The following ZMYM6 variants were observed in gnomAD, a reference collection of about 807,000 sequenced individuals.
ZMYM6 encodes the protein zinc finger MYM-type protein 6.
ZMYM6 carries 90 observed loss-of-function variants against 134.0 expected under a neutral mutation model. The observed-to-expected ratio is 0.67, with a 90% CI of 0.57 to 0.80. ZMYM6 has a LOEUF of 0.80. Ranked by LOEUF, ZMYM6 falls within the 30% of genes least tolerant of loss-of-function variation. The pLI, the probability that ZMYM6 is intolerant of heterozygous loss-of-function variation, is 0.00. For missense variants in ZMYM6, 1,362 were observed against 1,533.9 expected (o/e 0.89, Z 1.87); for synonymous variants, 481 against 524.1 (o/e 0.92, Z 1.12).
chr1:35,025,499 A>G (rs1295068605), intron 2 of ZMYM6, among the ~76,000 whole-genome samples: 2 of 151,680 alleles, frequency 1.3e-5, no homozygotes, highest in Admixed American at 1.3e-4. Context: ...GAAAGAAAAA[A>G]AAAAGGTGGC....
Position 34,988,608 on chromosome 1 carries a change from T to C in ZMYM6, c.2474A>G (p.Glu825Gly). Residue 825 changes from glutamate (E) to glycine (G), a missense_variant, in exon 16 of 16, where the codon GAA (glutamate) becomes GGA (glycine). Transcript: ENST00000357182. The stretch of plus-strand genomic sequence containing the variant: ...ATAAGAAGCTTTCACAAGTGACTTT[T>C]CAACTAGTAAACACTTTTTTAAAGA... ...NSSLKKCLLV[E>G]KSLVKASYLI... The C allele has an allele frequency of 6.5e-7, 1 of 1,550,280 alleles. No homozygotes were observed. Among genetic ancestry groups the C allele is most frequent in the Non-Finnish European group, 8.7e-7 (1 of 1,146,714 alleles).
At chr1:35,004,169 T>C (rs1166929017) in intron 13 of ZMYM6, among the ~76,000 whole-genome samples, 164 bp from the exon 14 acceptor site, 3 of 152,182 alleles carry the variant, frequency 2.0e-5, no homozygotes, top group Non-Finnish European at 4.4e-5. Flanking sequence ...GGGTGCTTAA[T>C]AACGGTAAGG....
intron 4 of ZMYM6, among the ~76,000 whole-genome samples, chr1:35,015,522 G>A (rs538113074): frequency 2.0e-4 from 31 of 151,570 alleles, no homozygotes; most frequent in South Asian, 1.7e-3. Context: ...TCAGGAGTTC[G>A]AGACCAGCCT....
intron 2 of ZMYM6, among the ~76,000 whole-genome samples, chr1:35,021,492 C>T (rs1641308657): frequency 2.0e-5 from 3 of 151,836 alleles, no homozygotes; most frequent in Admixed American, 1.3e-4. Flanking sequence ...TGGTGGCTCA[C>T]ACCTATAGTC....
At chr1:34,991,116 G>A (rs1640665544) in intron 15 of ZMYM6, among the ~76,000 whole-genome samples, 1 of 152,108 alleles carries the variant, frequency 6.6e-6, no homozygotes, top group Non-Finnish European at 1.5e-5. Context: ...CGCCCATGTT[G>A]GCTTGCCAAA....
chr1:35,026,756 T>C (rs1389470837), intron 2 of ZMYM6, among the ~76,000 whole-genome samples: 1 of 152,228 alleles, frequency 6.6e-6, no homozygotes, highest in Non-Finnish European at 1.5e-5. Flanking sequence ...AAGTCACTTA[T>C]TCCTTCAGGT....
chr1:35,015,170 T>C lies in ZMYM6; in HGVS notation c.429-8A>G, dbSNP rs751256289. On this transcript the variant is annotated splice_region_variant and splice_polypyrimidine_tract_variant and intron_variant, in intron 4 of 15. Transcript: ENST00000357182. ...TTAGGATTTAAAATGTCTCTAAAAA[T>C]AAATAACAAAGGTAAAAATGAAATG... 8 of 1,579,094 alleles carry C rather than the reference T, an allele frequency of 5.1e-6. No individual in the cohort carries two copies. Among genetic ancestry groups the C allele is most frequent in the South Asian group, 4.6e-5 (4 of 86,310 alleles).
chr1:35,030,493 C>T, intron 2 of ZMYM6, 54 bp downstream of exon 2: 1 of 1,543,578 alleles, frequency 6.5e-7, no homozygotes, highest in Non-Finnish European at 8.7e-7. Flanking sequence ...TTCAGTTGAC[C>T]AGATGGAAAA....
chr1:34,987,057 A>T lies in ZMYM6; in HGVS notation c.*47T>A. On this transcript the variant is annotated 3_prime_UTR_variant, in exon 16 of 16. Transcript: ENST00000357182. ...TTATCTTTTAGGATACTTATACAAAACTTAACACAGGATTATTGACTTCAC... is the reference window on the plus strand; with the variant it reads ...TTATCTTTTAGGATACTTATACAAATCTTAACACAGGATTATTGACTTCAC... 1 of 1,314,286 alleles carries T rather than the reference A, an allele frequency of 7.6e-7. No homozygotes were observed. Among genetic ancestry groups the T allele is most frequent in the Non-Finnish European group, 1.0e-6 (1 of 991,334 alleles). The allele number at this position is 1,314,286 out of a possible 1,614,324, so 81.4% of individuals were successfully genotyped here.
rs772893416 is a variant in ZMYM6 at position 34,987,456 on chromosome 1, C to A, written c.3626G>T (p.Arg1209Leu). 3 of 1,613,854 alleles carry A rather than the reference C, an allele frequency of 1.9e-6. No homozygotes were observed. In the South Asian group the frequency reaches 3.3e-5, roughly 18 times the overall value. Residue 1209 changes from arginine to leucine, a missense_variant, in exon 16 of 16, where the codon CGT becomes CTT. Around this residue, in one of 3 missense-constraint regions of ZMYM6, gnomAD observed 824 missense variants for 940.9 expected, o/e 0.88. Coordinates refer to ENST00000357182, the MANE Select transcript of ZMYM6 (RefSeq NM_007167.4). ...SDCFPPEQDL[R>L]SGNLWIIHPF... ...GTGAATTATCCACAAATTTCCTGAA[C>A]GCAAGTCTTGTTCTGGTGGAAAACA...
chr1:35,019,645 G>A, intron 3 of ZMYM6, 43 bp from the exon 4 acceptor site: 20 of 1,521,846 alleles, frequency 1.3e-5, no homozygotes, highest in Non-Finnish European at 1.8e-5. Context: ...CAATACTAAT[G>A]CATATACAGT....
chr1:35,012,688 A>G, intron 6 of ZMYM6, 107 bp from the exon 7 acceptor site: 1 of 1,476,382 alleles, frequency 6.8e-7, no homozygotes, highest in Non-Finnish European at 8.9e-7. Flanking sequence ...CTTGGTTGAA[A>G]TATTTGAGCA....
intron 14 of ZMYM6, among the ~76,000 whole-genome samples, chr1:34,993,396 C>G (rs1640721255): frequency 6.6e-6 from 1 of 152,106 alleles, no homozygotes; most frequent in African/African-American, 2.4e-5. Context: ...CAGGCGTGAG[C>G]CACCACTCCC....
chr1:35,008,946 G>A, intron 10 of ZMYM6, 22 bp from the exon 11 acceptor site: 1 of 1,593,290 alleles, frequency 6.3e-7, no homozygotes, highest in East Asian at 2.2e-5. Context: ...AGGGATGAAA[G>A]GAAGAAAAAT....
chr1:35,020,112 T>C (rs972611440), intron 3 of ZMYM6, among the ~76,000 whole-genome samples: 3 of 152,322 alleles, frequency 2.0e-5, no homozygotes, highest in South Asian at 4.1e-4. Context: ...AGTTCTCACA[T>C]ACATATGTTT....
At chr1:35,027,741 AAG>A (rs915369131) in intron 2 of ZMYM6, among the ~76,000 whole-genome samples, 3 of 152,122 alleles carry the variant, frequency 2.0e-5, no homozygotes, top group East Asian at 1.9e-4. Flanking sequence ...AAACAAAAAA[AAG>A]AGAGAGAGAA....
At chr1:34,992,421 A>AT (rs752731835) in intron 14 of ZMYM6, 34 bp from the exon 15 acceptor site, 128 of 1,601,894 alleles carry the variant, frequency 8.0e-5, no homozygotes, top group South Asian at 3.5e-4. Flanking sequence ...CCAAAGAAAG[A>AT]TTTTTTTTAG....
Position 34,988,854 on chromosome 1 carries a change from G to T in ZMYM6, c.2228C>A (p.Thr743Asn). Residue 743 changes from threonine (T) to asparagine (N), a missense_variant, in exon 16 of 16, where the codon ACT (threonine) becomes AAT (asparagine). This residue lies in a region of ZMYM6 where 824 missense variants were observed against 940.9 expected (regional missense o/e 0.88). Transcript: ENST00000357182. ...SKKKRLGFFQ[T>N]YDTEYLKVGF... ...AACTTTTAAATATTCTGTATCATAA[G>T]TCTGGAAAAAACCTAATCTTTTTTT... 1.9e-6 allele frequency: 3 copies of T among 1,601,208 alleles called. No homozygotes were observed. Among genetic ancestry groups the T allele is most frequent in the Non-Finnish European group, 2.6e-6 (3 of 1,172,416 alleles).
At chr1:35,013,023 G>A in intron 6 of ZMYM6, 1 of 965,114 alleles carries the variant, frequency 1.0e-6, no homozygotes, top group Non-Finnish European at 1.2e-6. Context: ...TATATTAATA[G>A]AGATCCTACA....
Sources: allele counts gnomAD v4.1 joint callset (sites outside exome capture counted in the v4.1 genomes callset), GRCh38; gene constraint gnomAD v4.1.1; regional missense constraint gnomAD v4.1.1; transcripts MANE v1.5; gene names NCBI Gene and HGNC (gene_info 2026-07-23, HGNC 2026-07-21).